The following CACNA1A variants were observed in gnomAD, a reference collection of about 807,000 sequenced individuals.
CACNA1A encodes calcium voltage-gated channel subunit alpha1 A, also known as voltage-dependent P/Q-type calcium channel subunit alpha-1A.
Under a neutral mutation model 262.4 loss-of-function variants are expected in CACNA1A, and 57 were observed. The ratio of observed to expected loss-of-function variants is 0.22; its 90% CI spans 0.18 to 0.27. CACNA1A has a LOEUF of 0.27. Among genes scored for constraint, CACNA1A ranks in the 10% least tolerant of loss-of-function variants. The pLI is 1.00. For synonymous variants in CACNA1A, 1,431 were observed against 1,419.3 expected (o/e 1.01, Z -0.18); for missense variants, 2,526 against 3,562.8 (o/e 0.71, Z 7.41).
At chr19:13,407,209 C>T (rs183617053) in intron 3 of CACNA1A, among the ~76,000 whole-genome samples, 107 of 152,298 alleles carry the variant, frequency 7.0e-4, no homozygotes, top group African/African-American at 2.4e-3. Flanking sequence ...AAAGACAAAA[C>T]GCGTAGACAG....
At chr19:13,323,854 C>G (rs1042207670) in intron 10 of CACNA1A, among the ~76,000 whole-genome samples, 1 of 152,122 alleles carries the variant, frequency 6.6e-6, no homozygotes, top group African/African-American at 2.4e-5. Context: ...GAGACCAATG[C>G]CATGGAGCTT....
intron 3 of CACNA1A, among the ~76,000 whole-genome samples, chr19:13,417,412 G>T (rs2060243118): frequency 6.6e-6 from 1 of 152,184 alleles, no homozygotes. Context: ...GCTGAGACTG[G>T]TGGGTGGGCT....
At chr19:13,344,902 G>A (rs963632368) in intron 6 of CACNA1A, among the ~76,000 whole-genome samples, 1 of 151,560 alleles carries the variant, frequency 6.6e-6, no homozygotes, top group African/African-American at 2.4e-5. Context: ...TTACAGGCAC[G>A]CACCACCACG....
At chr19:13,253,445 CTTTTTTTTTT>C (rs57960659) in intron 29 of CACNA1A, among the ~76,000 whole-genome samples, 2 of 94,244 alleles carry the variant, frequency 2.1e-5, no homozygotes, top group Non-Finnish European at 1.9e-5. Flanking sequence ...CTGAATTATA[CTTTTTTTTTT>C]TTTTTTTTTT....
At chr19:13,233,054 TAAA>T (rs201457817) in intron 34 of CACNA1A, among the ~76,000 whole-genome samples, 1 of 135,318 alleles carries the variant, frequency 7.4e-6, no homozygotes, top group Non-Finnish European at 1.6e-5. Flanking sequence ...TGTCTCAGAT[TAAA>T]AAAAAAAAAA....
At chr19:13,336,594 G>GGAGAGGGA (rs1555768096) in intron 6 of CACNA1A, among the ~76,000 whole-genome samples, 10 of 65,506 alleles carry the variant, frequency 1.5e-4, no homozygotes, top group African/African-American at 4.1e-4. Context: ...AGAGAGAGAG[G>GGAGAGGGA]GAGAGAGAGA....
intron 1 of CACNA1A, among the ~76,000 whole-genome samples, chr19:13,477,000 G>A (rs938243648): frequency 6.6e-6 from 1 of 152,098 alleles, no homozygotes; most frequent in Non-Finnish European, 1.5e-5. Context: ...CAGAGCAAAA[G>A]CCAAAGTCCT....
Position 13,261,554 on chromosome 19 carries a change from G to C in CACNA1A, c.4146C>G (p.Val1382=). The C allele has an allele frequency of 1.2e-6, 2 of 1,608,032 alleles. No individual in the cohort carries two copies. Among genetic ancestry groups the C allele is most frequent in the Non-Finnish European group, 1.7e-6 (2 of 1,177,218 alleles). Reference sequence around the variant, plus strand: ...CGAAGATGAACATGAATAGCATGTAGACGATGAGGATGTTGAAGACGTTTT... The same window carrying C: ...CGAAGATGAACATGAATAGCATGTACACGATGAGGATGTTGAAGACGTTTT... ...SLKNVFNILI[V]YMLFMFIFAV... The change falls in exon 26 of 47, where the codon GTC becomes GTG. Residue 1382 remains valine (V), a synonymous_variant. Transcript: ENST00000360228.
chr19:13,212,992 C>T lies in CACNA1A; in HGVS notation c.5941-252G>A, dbSNP rs1256410759. Among the ~76,000 whole-genome samples, 1 of 152,112 alleles carries T rather than the reference C, an allele frequency of 6.6e-6. No homozygotes were observed. The highest frequency in any genetic ancestry group is 1.9e-4 in the East Asian group (1 of 5,190). ...GCACCTTCTCCCAGGTCTCCCGCTC[C>T]TACCTTCAACCCCACTGTTCCACAA... is the stretch of plus-strand genomic sequence containing the variant. On this transcript the variant is annotated intron_variant, in intron 40 of 46. Coordinates refer to ENST00000360228, the MANE Select transcript of CACNA1A (RefSeq NM_001127222.2). The surrounding 1 kb of genome is among the most constrained non-coding windows in gnomAD (Gnocchi z 5.6).
At chr19:13,450,015 C>T (rs2060885987) in intron 3 of CACNA1A, among the ~76,000 whole-genome samples, 2 of 152,014 alleles carry the variant, frequency 1.3e-5, no homozygotes, top group East Asian at 1.9e-4. Context: ...GTGGTACACG[C>T]CTGTAATCCA....
intron 30 of CACNA1A, among the ~76,000 whole-genome samples, chr19:13,248,969 C>G (rs1449640901): frequency 2.0e-5 from 3 of 152,046 alleles, no homozygotes; most frequent in Non-Finnish European, 4.4e-5. Flanking sequence ...TCCCTAAGTG[C>G]TTCTTTTTTG....
chr19:13,269,478 T>C (rs1160202359), intron 24 of CACNA1A, among the ~76,000 whole-genome samples: 1 of 152,160 alleles, frequency 6.6e-6, no homozygotes, highest in Non-Finnish European at 1.5e-5. Context: ...AAGATGAGGA[T>C]CAAGAGATAG....
At chr19:13,501,414 T>C (rs868364121) in intron 1 of CACNA1A, among the ~76,000 whole-genome samples, 2 of 152,042 alleles carry the variant, frequency 1.3e-5, no homozygotes, top group Middle Eastern at 6.8e-3. Context: ...GACCTCATGA[T>C]CCACCGGCCT....
At chr19:13,323,169 G>T (rs1430023297) in intron 10 of CACNA1A, among the ~76,000 whole-genome samples, 1 of 152,140 alleles carries the variant, frequency 6.6e-6, no homozygotes, top group Non-Finnish European at 1.5e-5. Flanking sequence ...TGAGGCAGGA[G>T]AATCCCTTGA....
At chr19:13,319,381 C>A (rs1268776240) in intron 10 of CACNA1A, among the ~76,000 whole-genome samples, 1 of 152,164 alleles carries the variant, frequency 6.6e-6, no homozygotes, top group Non-Finnish European at 1.5e-5. Context: ...GTGTGTACAT[C>A]ATTCATTTGC....
intron 8 of CACNA1A, among the ~76,000 whole-genome samples, chr19:13,333,278 C>T (rs1300070398): frequency 3.3e-5 from 5 of 152,142 alleles, no homozygotes; most frequent in East Asian, 1.9e-4. Context: ...GTCTCAAATA[C>T]GTTCCTAGCT....
chr19:13,231,606 G>T, intron 35 of CACNA1A, 104 bp downstream of exon 35: 2 of 1,214,226 alleles, frequency 1.6e-6, no homozygotes, highest in Non-Finnish European at 1.2e-6. Context: ...AAGCCTTGGA[G>T]GGAACAAGCC....
intron 1 of CACNA1A, among the ~76,000 whole-genome samples, chr19:13,470,643 T>C (rs1168995392): frequency 1.3e-5 from 2 of 152,240 alleles, no homozygotes; most frequent in African/African-American, 4.8e-5. Context: ...ATTGCCCTGT[T>C]TGGCATCCTG....
intron 1 of CACNA1A, among the ~76,000 whole-genome samples, chr19:13,482,977 GTAAGCTATCTCTTAATTTGATTCT>G (rs943937807): frequency 1.5e-4 from 22 of 151,542 alleles, no homozygotes; most frequent in African/African-American, 3.6e-4. Flanking sequence ...CCACACCTTT[GTAAGCTATCTCTTAATTTGATTCT>G]TAAGCTATCT....
Sources: allele counts gnomAD v4.1 joint callset (sites outside exome capture counted in the v4.1 genomes callset), GRCh38; gene constraint gnomAD v4.1.1; non-coding constraint Gnocchi (gnomAD v3.1); transcripts MANE v1.5; gene names NCBI Gene and HGNC (gene_info 2026-07-23, HGNC 2026-07-21).